The following C2orf69 variants were observed in gnomAD, a reference collection of about 807,000 sequenced individuals.
C2orf69 encodes mitochondrial protein C2orf69.
Under a neutral mutation model 29.5 loss-of-function variants are expected in C2orf69, and 19 were observed. That is an observed-to-expected ratio of 0.65 (90% CI 0.45 to 0.95). The LOEUF (loss-of-function observed/expected upper bound fraction) is 0.95, where lower values mean the gene tolerates loss of function less well. C2orf69 is among the 40% of genes least tolerant of loss of function. C2orf69 has a pLI of 0.00. For synonymous variants in C2orf69, 194 were observed against 180.0 expected, an observed-to-expected ratio of 1.08 and a Z score of -0.62; for missense variants, 416 against 482.1, an observed-to-expected ratio of 0.86 and a Z score of 1.28.
At chr2:199,912,402 C>T (rs1183074388) in intron 1 of C2orf69, among the ~76,000 whole-genome samples, 2 of 152,178 alleles carry the variant, frequency 1.3e-5, no homozygotes, top group Non-Finnish European at 2.9e-5. Context: ...GGGTCTTAAT[C>T]TAACGTTGCA....
chr2:199,912,369 G>A (rs1009078769), intron 1 of C2orf69, among the ~76,000 whole-genome samples: 1 of 152,136 alleles, frequency 6.6e-6, no homozygotes, highest in Non-Finnish European at 1.5e-5. Flanking sequence ...GTAAATATCC[G>A]TGGTTATGTT....
At chr2:199,921,001 G>GTTTTTTTTT (rs71019096) in intron 1 of C2orf69, among the ~76,000 whole-genome samples, 1 of 67,048 alleles carries the variant, frequency 1.5e-5, no homozygotes, top group Non-Finnish European at 2.6e-5. Context: ...CTAGGAATTA[G>GTTTTTTTTT]TTTTTTTTTT....
chr2:199,922,932 T>C (rs572389492), intron 1 of C2orf69, among the ~76,000 whole-genome samples: 1 of 152,358 alleles, frequency 6.6e-6, no homozygotes, highest in South Asian at 2.1e-4. Context: ...TTAAAAAGCC[T>C]GATCAGCACC....
intron 1 of C2orf69, among the ~76,000 whole-genome samples, chr2:199,919,171 T>C (rs991769003): frequency 2.0e-5 from 3 of 152,144 alleles, no homozygotes; most frequent in Non-Finnish European, 4.4e-5. Flanking sequence ...CCTAGGCTGG[T>C]CTCAAACCCC....
chr2:199,913,390 TAAC>T (rs1460363396), intron 1 of C2orf69, among the ~76,000 whole-genome samples: 1,206 of 78,802 alleles, frequency 0.015, 60 homozygotes, highest in Non-Finnish European at 0.023. Context: ...TTATATATAA[TAAC>T]ATATATTATA....
At chr2:199,911,869 T>C in intron 1 of C2orf69, 98 bp downstream of exon 1, 1 of 1,490,764 alleles carries the variant, frequency 6.7e-7, no homozygotes, top group East Asian at 2.5e-5. Flanking sequence ...TTCCTTTCCT[T>C]GCCTGAACAC....
At chr2:199,912,655 T>A (rs2077269938) in intron 1 of C2orf69, among the ~76,000 whole-genome samples, 1 of 152,114 alleles carries the variant, frequency 6.6e-6, no homozygotes, top group Admixed American at 6.6e-5. Context: ...TTTTTTGTTT[T>A]TTTGAGACGG....
intron 1 of C2orf69, among the ~76,000 whole-genome samples, chr2:199,915,524 T>A (rs1376620355): frequency 6.6e-6 from 1 of 151,726 alleles, no homozygotes; most frequent in Non-Finnish European, 1.5e-5. Context: ...TTTTTTTCCT[T>A]GAGATGGAGT....
chr2:199,918,829 G>A (rs1368731247), intron 1 of C2orf69, among the ~76,000 whole-genome samples: 1 of 151,950 alleles, frequency 6.6e-6, no homozygotes, highest in South Asian at 2.1e-4. Context: ...TTTCACTATG[G>A]TTTTTGCTTT....
At chr2:199,919,436 C>T (rs191865433) in intron 1 of C2orf69, among the ~76,000 whole-genome samples, 1 of 152,180 alleles carries the variant, frequency 6.6e-6, no homozygotes, top group Non-Finnish European at 1.5e-5. Flanking sequence ...TGGTCATGTA[C>T]CTTGGAGCTT....
At chr2:199,915,819 A>T (rs1358940927) in intron 1 of C2orf69, among the ~76,000 whole-genome samples, 1 of 152,126 alleles carries the variant, frequency 6.6e-6, no homozygotes, top group Admixed American at 6.5e-5. Flanking sequence ...ACCTGGCCTG[A>T]AGCTTCACCT....
chr2:199,913,881 G>A (rs990253333), intron 1 of C2orf69, among the ~76,000 whole-genome samples: 10 of 152,068 alleles, frequency 6.6e-5, no homozygotes, highest in African/African-American at 2.4e-4. Flanking sequence ...AGGATATATA[G>A]TACAAGTCTT....
intron 1 of C2orf69, among the ~76,000 whole-genome samples, chr2:199,923,359 A>G (rs1359201856): frequency 6.6e-6 from 1 of 152,218 alleles, no homozygotes; most frequent in East Asian, 1.9e-4. Flanking sequence ...CCTACTTAAA[A>G]TGTTGTTAGT....
intron 1 of C2orf69, among the ~76,000 whole-genome samples, chr2:199,913,180 A>AT (rs1559291932): frequency 3.6e-5 from 4 of 112,070 alleles, no homozygotes; most frequent in African/African-American, 1.4e-4. Flanking sequence ...ATTATATATA[A>AT]AATTATATAT....
intron 1 of C2orf69, among the ~76,000 whole-genome samples, chr2:199,914,681 TTACTC>T (rs910579201): frequency 6.6e-6 from 1 of 152,156 alleles, no homozygotes; most frequent in Non-Finnish European, 1.5e-5. Flanking sequence ...CTTTTTCTGT[TTACTC>T]TTCTCCAGCC....
At chr2:199,921,150 G>C (rs907204131) in intron 1 of C2orf69, among the ~76,000 whole-genome samples, 101 of 150,728 alleles carry the variant, frequency 6.7e-4, no homozygotes, top group Non-Finnish European at 1.3e-3. Flanking sequence ...GTGACTACAG[G>C]CACGCGCCAC....
chr2:199,915,320 C>T (rs2077288969), intron 1 of C2orf69, among the ~76,000 whole-genome samples: 1 of 152,082 alleles, frequency 6.6e-6, no homozygotes, highest in African/African-American at 2.4e-5. Flanking sequence ...CAGGGTCTCA[C>T]TATGTTGCCC....
intron 1 of C2orf69, among the ~76,000 whole-genome samples, chr2:199,913,146 T>G (rs1339578200): frequency 8.2e-6 from 1 of 122,166 alleles, no homozygotes; most frequent in East Asian, 2.1e-4. Flanking sequence ...CAAAAGAAAA[T>G]AATATATATT....
At chr2:199,911,932 C>G (rs139155183) in intron 1 of C2orf69, among the ~76,000 whole-genome samples, 161 bp downstream of exon 1, 1 of 152,190 alleles carries the variant, frequency 6.6e-6, no homozygotes, top group South Asian at 2.1e-4. Flanking sequence ...AATCCAAAAC[C>G]GTGCCTTCCA....
Sources: allele counts gnomAD v4.1 joint callset (sites outside exome capture counted in the v4.1 genomes callset), GRCh38; gene constraint gnomAD v4.1.1; transcripts MANE v1.5; gene names NCBI Gene and HGNC (gene_info 2026-07-23, HGNC 2026-07-21).